Variants in FMNL2 observed in about 807,000 individuals in gnomAD.
The protein encoded by FMNL2 is formin like 2, also known as formin-like protein 2.
FMNL2 carries 51 observed loss-of-function variants against 130.2 expected under a neutral mutation model. The observed-to-expected ratio is 0.39, with a 90% CI of 0.31 to 0.49. The LOEUF is 0.49. Among genes scored for constraint, FMNL2 ranks in the 20% least tolerant of loss-of-function variants. The pLI is 0.85. For missense variants in FMNL2, 977 were observed against 1,316.2 expected, an observed-to-expected ratio of 0.74 and a Z score of 3.99; for synonymous variants, 465 against 467.1, an observed-to-expected ratio of 1.00 and a Z score of 0.06.
At chr2:152,647,048 A>G (rs1308190204) in intron 25 of FMNL2, among the ~76,000 whole-genome samples, 1 of 152,106 alleles carries the variant, frequency 6.6e-6, no homozygotes, top group Admixed American at 6.5e-5. Context: ...CCACACAACT[A>G]CTTCTTGCTG....
chr2:152,565,586 T>A (rs1030684767), intron 6 of FMNL2, among the ~76,000 whole-genome samples: 3 of 152,130 alleles, frequency 2.0e-5, no homozygotes, highest in Non-Finnish European at 4.4e-5. Context: ...TTCCTTAAAA[T>A]TTTTTTGTCT....
chr2:152,453,734 A>G (rs536973467), intron 1 of FMNL2, among the ~76,000 whole-genome samples: 1 of 152,336 alleles, frequency 6.6e-6, no homozygotes, highest in South Asian at 2.1e-4. Flanking sequence ...TGTCCCTTGC[A>G]TGCTGTCTGC....
intron 6 of FMNL2, among the ~76,000 whole-genome samples, chr2:152,567,184 G>GC (rs1015466569): frequency 1.3e-5 from 2 of 151,950 alleles, no homozygotes; most frequent in East Asian, 1.9e-4. Flanking sequence ...TGATTAATTA[G>GC]CCCCCCCAAT....
At chr2:152,640,308 G>A (rs570388707) in intron 24 of FMNL2, among the ~76,000 whole-genome samples, 1 of 152,358 alleles carries the variant, frequency 6.6e-6, no homozygotes, top group Admixed American at 6.5e-5. Flanking sequence ...TGGATATACA[G>A]AGAGGCCACA....
At position 152,471,653 on chromosome 2, in the gene FMNL2, C is replaced by T. The variant is rs1450106692; in HGVS notation, c.118-50290C>T. ...ATTTAGAAACTTTTAACCTTGGCTT[C>T]TCACACTCCCTGAACTTTATAAATA... On this transcript the variant is annotated intron_variant, in intron 1 of 25. Coordinates refer to ENST00000288670, the MANE Select transcript of FMNL2 (RefSeq NM_052905.4). Among the ~76,000 whole-genome samples, 4 of 152,068 alleles carry T rather than the reference C, an allele frequency of 2.6e-5. No homozygotes were observed. In the East Asian group the frequency reaches 5.8e-4, roughly 22 times the overall value.
chr2:152,347,104 T>TAAAA (rs1560284507), intron 1 of FMNL2, among the ~76,000 whole-genome samples: 2 of 75,664 alleles, frequency 2.6e-5, no homozygotes, highest in African/African-American at 8.2e-5. Flanking sequence ...AAAAAAAAAT[T>TAAAA]TTTTTTTCAC....
chr2:152,496,661 G>A (rs1194498903), intron 1 of FMNL2, among the ~76,000 whole-genome samples: 1 of 152,166 alleles, frequency 6.6e-6, no homozygotes, highest in East Asian at 1.9e-4. Flanking sequence ...TTAGAATTCT[G>A]TGAGGGTGAG....
chr2:152,540,595 A>G (rs1015047902), intron 2 of FMNL2, among the ~76,000 whole-genome samples: 1 of 150,846 alleles, frequency 6.6e-6, no homozygotes, highest in African/African-American at 2.4e-5. Context: ...AATAACAAAT[A>G]TAGATTTTAA....
At chr2:152,393,825 T>C (rs974938174) in intron 1 of FMNL2, among the ~76,000 whole-genome samples, 1 of 152,196 alleles carries the variant, frequency 6.6e-6, no homozygotes, top group Non-Finnish European at 1.5e-5. Context: ...ACAGCTTCTG[T>C]AGGGTGAAAG....
At chr2:152,431,839 G>A (rs773946990) in intron 1 of FMNL2, among the ~76,000 whole-genome samples, 6 of 151,714 alleles carry the variant, frequency 4.0e-5, no homozygotes, top group South Asian at 2.1e-4. Flanking sequence ...TGGCACATGC[G>A]TGTAGTCCCA....
chr2:152,509,102 C>T (rs537696796), intron 1 of FMNL2, among the ~76,000 whole-genome samples: 25 of 152,206 alleles, frequency 1.6e-4, no homozygotes, highest in Non-Finnish European at 2.9e-4. Context: ...TAGCACTTTA[C>T]ACCTAGAATG....
intron 11 of FMNL2, among the ~76,000 whole-genome samples, chr2:152,612,447 G>A (rs1235821146): frequency 6.6e-6 from 1 of 152,158 alleles, no homozygotes; most frequent in African/African-American, 2.4e-5. Context: ...TGGAGTCCAG[G>A]ATTTCTAGGC....
At chr2:152,476,838 T>G (rs1207361781) in intron 1 of FMNL2, among the ~76,000 whole-genome samples, 1 of 152,072 alleles carries the variant, frequency 6.6e-6, no homozygotes, top group African/African-American at 2.4e-5. Context: ...ATTCTCAGAT[T>G]ATATTATATT....
chr2:152,349,927 A>G (rs1196380525), intron 1 of FMNL2, among the ~76,000 whole-genome samples: 2 of 151,278 alleles, frequency 1.3e-5, no homozygotes, highest in East Asian at 3.9e-4. Flanking sequence ...ACTGTGTGCC[A>G]GGCAGTGTTG....
At chr2:152,617,237 T>C (rs765538907) in intron 13 of FMNL2, 45 bp downstream of exon 13, 15 of 1,557,358 alleles carry the variant, frequency 9.6e-6, no homozygotes, top group Non-Finnish European at 1.3e-5. Context: ...CGGTAGGGAA[T>C]GTACTCCAGC....
intron 1 of FMNL2, among the ~76,000 whole-genome samples, chr2:152,360,780 T>C (rs943917908): frequency 2.0e-5 from 3 of 152,324 alleles, no homozygotes; most frequent in Non-Finnish European, 2.9e-5. Flanking sequence ...GTCTGACTTA[T>C]TTTAGGTGGA....
Position 152,614,907 on chromosome 2 carries a change from C to A in FMNL2, c.1119C>A (p.Asp373Glu). Residue 373 changes from aspartate to glutamate, a missense_variant, in exon 12 of 26, where the codon GAC becomes GAA. Asp to Glu is a conservative substitution (Grantham distance 45). Coordinates refer to ENST00000288670, the MANE Select transcript of FMNL2 (RefSeq NM_052905.4). ...AAGTCCAGATCCAGGCTTACCTGGA[C>A]AATGTTTTTGATGTAGGAGCTCTAC... ...KLQVQIQAYLDNVFDVGALLE... is the reference protein window; with the variant it reads ...KLQVQIQAYLENVFDVGALLE... 6.2e-7 allele frequency: 1 copy of A among 1,613,738 alleles called. No individual in the cohort carries two copies. Among genetic ancestry groups the A allele is most frequent in the Admixed American group, 1.7e-5 (1 of 59,958 alleles).
intron 6 of FMNL2, among the ~76,000 whole-genome samples, chr2:152,569,683 A>C (rs1344485841): frequency 1.1e-4 from 1 of 9,162 alleles, no homozygotes. Context: ...CCTGTCTCAA[A>C]AAAAAAAAAA....
chr2:152,375,964 G>T (rs1426998477), intron 1 of FMNL2, among the ~76,000 whole-genome samples: 1 of 150,038 alleles, frequency 6.7e-6, no homozygotes, highest in Non-Finnish European at 1.5e-5. Flanking sequence ...TGTGATCTCT[G>T]CTCACCCCAA....
Sources: allele counts gnomAD v4.1 joint callset (sites outside exome capture counted in the v4.1 genomes callset), GRCh38; gene constraint gnomAD v4.1.1; transcripts MANE v1.5; gene names NCBI Gene and HGNC (gene_info 2026-07-23, HGNC 2026-07-21).